Variants in PID1 observed in about 807,000 individuals in gnomAD.
PID1 encodes PTB-containing, cubilin and LRP1-interacting protein.
Under a neutral mutation model 19.1 loss-of-function variants are expected in PID1, and 10 were observed. That is an observed-to-expected ratio of 0.52 (90% confidence interval 0.32 to 0.89). The LOEUF (loss-of-function observed/expected upper bound fraction) is 0.89, where lower values mean the gene tolerates loss of function less well. Ranked by LOEUF, PID1 falls within the 40% of genes least tolerant of loss-of-function variation. The probability of loss-of-function intolerance (pLI) is 0.03; values close to 1 mark genes in which losing one functional copy is unlikely to be tolerated. For missense variants in PID1, 248 were observed against 285.3 expected, an observed-to-expected ratio of 0.87 and a Z score of 0.94; for synonymous variants, 130 against 116.0, an observed-to-expected ratio of 1.12 and a Z score of -0.78.
chr2:229,051,433 G>T (rs1249323648), intron 2 of PID1, among the ~76,000 whole-genome samples: 2 of 152,060 alleles, frequency 1.3e-5, no homozygotes, highest in Non-Finnish European at 2.9e-5. Context: ...TGCCTCCCCG[G>T]TACAAGCGGT....
intron 2 of PID1, among the ~76,000 whole-genome samples, chr2:229,045,236 A>T (rs10178465): frequency 0.55 from 84,292 of 152,204 alleles, 24,374 homozygotes; most frequent in African/African-American, 0.72. Context: ...TTACAGGCCA[A>T]AAGCCACTGT....
At chr2:229,255,493 G>A (rs928566242) in intron 1 of PID1, among the ~76,000 whole-genome samples, 2 of 152,078 alleles carry the variant, frequency 1.3e-5, no homozygotes, top group Admixed American at 6.5e-5. Flanking sequence ...TTTCAGTTTG[G>A]GTTTTCTGAA....
intron 1 of PID1, among the ~76,000 whole-genome samples, chr2:229,158,042 A>T (rs1196344143): frequency 6.6e-6 from 1 of 152,256 alleles, no homozygotes; most frequent in African/African-American, 2.4e-5. Context: ...CATGAACTAG[A>T]AAATGCAAAT....
intron 2 of PID1, among the ~76,000 whole-genome samples, chr2:229,122,027 T>C (rs930585187): frequency 2.0e-5 from 3 of 152,152 alleles, no homozygotes; most frequent in African/African-American, 7.2e-5. Context: ...TGAATAAAGT[T>C]AGAGAATGAG....
chr2:229,034,613 G>A, intron 2 of PID1, among the ~76,000 whole-genome samples: 1 of 152,068 alleles, frequency 6.6e-6, no homozygotes, highest in East Asian at 1.9e-4. Flanking sequence ...AGCCATCAAG[G>A]AGTTGCAGGG....
intron 2 of PID1, among the ~76,000 whole-genome samples, chr2:229,044,697 C>T (rs1406089118): frequency 1.3e-5 from 2 of 152,170 alleles, no homozygotes; most frequent in Admixed American, 6.5e-5. Context: ...GCCCCTTGGA[C>T]TCAGGACTGC....
chr2:229,170,147 C>T (rs758021316), intron 1 of PID1, among the ~76,000 whole-genome samples: 4 of 152,148 alleles, frequency 2.6e-5, no homozygotes, highest in Admixed American at 6.5e-5. Flanking sequence ...ACTTCCTGAG[C>T]TTTGGTTGCC....
chr2:229,174,203 T>C (rs923291946), intron 1 of PID1, among the ~76,000 whole-genome samples: 6 of 152,182 alleles, frequency 3.9e-5, no homozygotes, highest in Admixed American at 6.5e-5. Flanking sequence ...CAGACTGTGG[T>C]GTAAGAATCT....
intron 1 of PID1, among the ~76,000 whole-genome samples, chr2:229,252,113 G>C (rs893589427): frequency 5.3e-5 from 8 of 151,978 alleles, no homozygotes; most frequent in Non-Finnish European, 1.2e-4. Context: ...GAAGAAAGGA[G>C]AGGTGGTGAT....
chr2:229,254,190 A>T (rs1690229475), intron 1 of PID1, among the ~76,000 whole-genome samples: 1 of 152,194 alleles, frequency 6.6e-6, no homozygotes, highest in Non-Finnish European at 1.5e-5. Context: ...AATTGAATGG[A>T]GTCTCCCTAC....
chr2:229,231,905 A>G, intron 1 of PID1: 1 of 1,550,318 alleles, frequency 6.5e-7, no homozygotes, highest in Non-Finnish European at 8.7e-7. Context: ...TATAAAAAAA[A>G]ACAGAAATTG....
At chr2:229,114,200 C>CACAA (rs1559239277) in intron 2 of PID1, among the ~76,000 whole-genome samples, 1 of 149,104 alleles carries the variant, frequency 6.7e-6, no homozygotes, top group Non-Finnish European at 1.5e-5. Context: ...CACACACACA[C>CACAA]AACACAACAC....
At chr2:229,069,143 T>TGTG (rs1553559154) in intron 2 of PID1, among the ~76,000 whole-genome samples, 8,610 of 140,564 alleles carry the variant, frequency 0.061, 307 homozygotes, top group East Asian at 0.083. Flanking sequence ...AGAAGGGTTT[T>TGTG]TGTGTGTGTG....
intron 2 of PID1, among the ~76,000 whole-genome samples, chr2:229,139,119 A>AGCG (rs1689951293): frequency 1.2e-5 from 1 of 83,956 alleles, no homozygotes; most frequent in African/African-American, 4.9e-5. Flanking sequence ...AAGAAAGAGA[A>AGCG]AGAAAGAAAG....
At chr2:229,155,757 A>G (rs980672272) in intron 2 of PID1, 61 bp downstream of exon 2, 58 of 1,462,928 alleles carry the variant, frequency 4.0e-5, no homozygotes, top group Non-Finnish European at 4.9e-5. Context: ...ATAGGTCTCA[A>G]GCCCACACAT....
In PID1 at chr2:229,219,221, C is replaced by T. The variant is rs150068079; in HGVS notation, c.30+51793G>A. Reference sequence around the variant, plus strand: ...CTCACACTGCTAATAAAGATACACCCGAGACGCGAGACTGGGTATTTTGTA... The same window carrying T: ...CTCACACTGCTAATAAAGATACACCTGAGACGCGAGACTGGGTATTTTGTA... On this transcript the variant is annotated intron_variant, in intron 1 of 2. Transcript: ENST00000392055. Among the ~76,000 whole-genome samples the T allele has an allele frequency of 2.6e-3, 391 of 152,172 alleles. 2 individuals are homozygous for T. Among genetic ancestry groups the T allele is most frequent in the African/African-American group, 8.7e-3 (363 of 41,530 alleles).
chr2:229,195,129 G>A (rs960006965), intron 1 of PID1, among the ~76,000 whole-genome samples: 11 of 151,744 alleles, frequency 7.2e-5, no homozygotes, highest in Admixed American at 2.0e-4. Context: ...TCAGGTTTTA[G>A]AGATTATATA....
At chr2:229,132,086 C>A (rs1295903085) in intron 2 of PID1, among the ~76,000 whole-genome samples, 1 of 152,116 alleles carries the variant, frequency 6.6e-6, no homozygotes, top group Non-Finnish European at 1.5e-5. Flanking sequence ...GTGGTAGAAC[C>A]ATCTCCTTTT....
At chr2:229,148,468 G>T (rs1222046426) in intron 2 of PID1, among the ~76,000 whole-genome samples, 1 of 152,130 alleles carries the variant, frequency 6.6e-6, no homozygotes, top group Non-Finnish European at 1.5e-5. Context: ...CACTGGACAG[G>T]GTGAAGAGGG....
Sources: gnomAD v4.1 joint callset for allele counts (sites outside exome capture counted in the v4.1 genomes callset) on GRCh38, gnomAD v4.1.1 for gene constraint, MANE v1.5 for transcripts, NCBI Gene and HGNC (gene_info 2026-07-23, HGNC 2026-07-21) for gene names.